The following EIF4E3 variants were observed in gnomAD, a reference collection of about 807,000 sequenced individuals.
EIF4E3 encodes eukaryotic translation initiation factor 4E family member 3, also known as eukaryotic translation initiation factor 4E type 3.
Under a neutral mutation model 31.7 loss-of-function variants are expected in EIF4E3, and 26 were observed. That is an observed-to-expected ratio of 0.82 (90% CI 0.60 to 1.14). The LOEUF (loss-of-function observed/expected upper bound fraction) is 1.14. EIF4E3 is among the 50% of genes most tolerant of loss of function. EIF4E3 has a pLI of 0.00. For synonymous variants in EIF4E3, 128 were observed against 107.7 expected (o/e 1.19, Z -1.17); for missense variants, 304 against 270.9 (o/e 1.12, Z -0.86).
At chr3:71,748,405 G>A (rs530049839) in intron 1 of EIF4E3, among the ~76,000 whole-genome samples, 2 of 152,120 alleles carry the variant, frequency 1.3e-5, no homozygotes, top group Admixed American at 1.3e-4. Context: ...TAATTACATT[G>A]TCCAGAAGAA....
At chr3:71,711,362 C>A (rs947455048) in intron 1 of EIF4E3, among the ~76,000 whole-genome samples, 1 of 152,196 alleles carries the variant, frequency 6.6e-6, no homozygotes, top group African/African-American at 2.4e-5. Context: ...AAGCCCACAT[C>A]TGGTTGTTGG....
chr3:71,725,081 G>T lies in EIF4E3; in HGVS notation c.176+111C>A, dbSNP rs1449399977. The stretch of plus-strand genomic sequence containing the variant: ...CAGGCGGACGCGCGGAGGGGCCGAG[G>T]TCTGTGCCACAGCGGAGCGGGGCCG... On this transcript the variant is annotated intron_variant, in intron 1 of 6. Coordinates refer to ENST00000425534, the MANE Select transcript of EIF4E3 (RefSeq NM_001134651.2). The surrounding 1 kb of genome is among the most constrained non-coding windows in gnomAD (Gnocchi z 6.1). The T allele has an allele frequency of 6.0e-6, 5 of 837,462 alleles. No individual in the cohort carries two copies. The highest frequency in any genetic ancestry group is 1.1e-4 in the East Asian group (1 of 8,914). 51.9% of individuals were successfully genotyped at this position (837,462 alleles called of 1,614,324 possible). A position where few individuals can be genotyped will look rare whatever the true frequency, so the allele number is the denominator to read the frequency against.
At chr3:71,671,446 C>T (rs1300636800), downstream of EIF4E3, among the ~76,000 whole-genome samples, 5 of 152,084 alleles carry the variant, frequency 3.3e-5, no homozygotes, top group Admixed American at 6.5e-5. Context: ...GGCTAACTCT[C>T]GGGGTATTGT....
chr3:71,668,104 T>C, the EIF4E3 span, among the ~76,000 whole-genome samples: 3 of 152,100 alleles, frequency 2.0e-5, no homozygotes, highest in African/African-American at 7.2e-5. Context: ...ACACCACACA[T>C]CTATAGCTAT....
intron 4 of EIF4E3, 51 bp from the exon 5 acceptor site, chr3:71,693,992 T>C: frequency 6.7e-7 from 1 of 1,482,674 alleles, no homozygotes; most frequent in South Asian, 1.3e-5. Flanking sequence ...CAGATATTTT[T>C]AGACAATTAT....
At chr3:71,728,783 A>T (rs1521354), upstream of EIF4E3, 104,214 of 152,208 alleles carry the variant, frequency 0.68, 36,705 homozygotes, top group East Asian at 1. Context: ...TCCCCTGACA[A>T]GCTCCCTAGG....
chr3:71,719,204 G>A (rs1397059734), intron 1 of EIF4E3, among the ~76,000 whole-genome samples: 5 of 152,172 alleles, frequency 3.3e-5, no homozygotes, highest in African/African-American at 9.7e-5. Context: ...TCCCTCCTGC[G>A]AGGACATGGC....
At chr3:71,730,518 T>C (rs1044968076) in intron 1 of EIF4E3, among the ~76,000 whole-genome samples, 1 of 152,060 alleles carries the variant, frequency 6.6e-6, no homozygotes, top group African/African-American at 2.4e-5. Flanking sequence ...GAGCTGCTAA[T>C]GGAAGAGAAA....
intron 1 of EIF4E3, among the ~76,000 whole-genome samples, chr3:71,718,765 A>G (rs942768990): frequency 1.4e-4 from 22 of 152,184 alleles, no homozygotes; most frequent in Non-Finnish European, 2.8e-4. Flanking sequence ...AGAAGCAACC[A>G]CTGACCTGAG....
Position 71,735,004 on chromosome 3 carries a change from C to A in EIF4E3, c.-290-6381G>T, listed in dbSNP as rs530531853. 5.3e-5 allele frequency among the ~76,000 whole-genome samples: 8 copies of A among 152,236 alleles called. No homozygotes were observed. The South Asian group carries it at 6.2e-4, about 12-fold the overall frequency. On this transcript the variant is annotated intron_variant, in intron 1 of 7. Transcript: ENST00000295612. Reference sequence around the variant, plus strand: ...GAATGAAATTATTGGAATTAAGAAACTGGGGCCCCAGTGGTTGGTCAAATC... The same window carrying A: ...GAATGAAATTATTGGAATTAAGAAAATGGGGCCCCAGTGGTTGGTCAAATC...
upstream of EIF4E3, chr3:71,728,818 A>C (rs1445636827): frequency 1.3e-5 from 2 of 152,252 alleles, no homozygotes; most frequent in African/African-American, 4.8e-5. Flanking sequence ...AGAGCCGGGA[A>C]GAACCTTAGA....
intron 2 of EIF4E3, among the ~76,000 whole-genome samples, chr3:71,704,291 G>T (rs905546151): frequency 6.6e-6 from 1 of 152,208 alleles, no homozygotes; most frequent in African/African-American, 2.4e-5. Context: ...TTAAAACCCT[G>T]AAAGGATGGG....
At chr3:71,737,111 G>A (rs774232193) in intron 1 of EIF4E3, among the ~76,000 whole-genome samples, 3 of 152,112 alleles carry the variant, frequency 2.0e-5, no homozygotes, top group Admixed American at 1.3e-4. Context: ...TTTACACACC[G>A]GAGGCTCAAA....
intron 1 of EIF4E3, among the ~76,000 whole-genome samples, chr3:71,734,824 T>G (rs1268015285): frequency 6.6e-6 from 1 of 152,244 alleles, no homozygotes; most frequent in Middle Eastern, 3.2e-3. Context: ...AAAATGACTA[T>G]GACCTGCACA....
At chr3:71,720,576 G>A (rs2049532304) in intron 1 of EIF4E3, among the ~76,000 whole-genome samples, 2 of 152,182 alleles carry the variant, frequency 1.3e-5, no homozygotes, top group African/African-American at 4.8e-5. Flanking sequence ...TGGAGATCCA[G>A]AATCCCTACT....
chr3:71,697,838 A>G (rs1489920459), intron 3 of EIF4E3, among the ~76,000 whole-genome samples: 5 of 152,144 alleles, frequency 3.3e-5, no homozygotes, highest in South Asian at 2.1e-4. Flanking sequence ...GGTTGATTCC[A>G]TATCTTGGCT....
rs1269969297 is a variant in EIF4E3 at position 71,678,879 on chromosome 3, A to G, written c.*5803T>C. ...AATGTTAGCTGTCTCAAGCTAAAGT[A>G]TGCTCACTAGTTTAAATTTTGAAAT... On this transcript the variant is annotated 3_prime_UTR_variant, in exon 7 of 7. Transcript: ENST00000425534. 1 of 152,244 alleles carries G rather than the reference A, an allele frequency of 6.6e-6. No homozygotes were observed. Among genetic ancestry groups the G allele is most frequent in the Non-Finnish European group, 1.5e-5 (1 of 68,034 alleles). 9.4% of individuals were successfully genotyped at this position (152,244 alleles called of 1,614,324 possible).
chr3:71,700,203 C>G (rs908768360), intron 2 of EIF4E3, among the ~76,000 whole-genome samples: 5 of 152,008 alleles, frequency 3.3e-5, no homozygotes, highest in African/African-American at 9.7e-5. Flanking sequence ...AACACAACAA[C>G]AAGAAGAAAA....
At position 71,693,850 on chromosome 3, in the gene EIF4E3, C is replaced by T. The variant is rs138184303; in HGVS notation, c.472+25G>A. 2.3e-3 allele frequency: 3,434 copies of T among 1,517,192 alleles called. 30 individuals are homozygous for T. The East Asian group carries it at 0.032, about 14-fold the overall frequency. 94.0% of individuals were successfully genotyped at this position (1,517,192 alleles called of 1,614,324 possible). A position where few individuals can be genotyped will look rare whatever the true frequency, so the allele number is the denominator to read the frequency against. On this transcript the variant is annotated intron_variant, in intron 5 of 6. Transcript: ENST00000425534. ...AAGCCAGGAGCACACGAGGCAGGGC[C>T]GGCCGGAGCCGTGGGCTGCTTTACC...
Sources: gnomAD v4.1 joint callset for allele counts (sites outside exome capture counted in the v4.1 genomes callset) on GRCh38, gnomAD v4.1.1 for gene constraint, Gnocchi (gnomAD v3.1) non-coding constraint, MANE v1.5 for transcripts, NCBI Gene and HGNC (gene_info 2026-07-23, HGNC 2026-07-21) for gene names.